The following ENTREP2 variants were observed in gnomAD, a reference collection of about 807,000 sequenced individuals.
ENTREP2 encodes endosomal transmembrane epsin interactor 2.
the ENTREP2 span, among the ~76,000 whole-genome samples, chr15:29,462,463 A>G: frequency 1.3e-5 from 2 of 152,072 alleles, no homozygotes; most frequent in African/African-American, 2.4e-5. Context: ...ACAAAAAATT[A>G]GCCAGGTGTG....
At chr15:29,157,422 C>A in the ENTREP2 span, among the ~76,000 whole-genome samples, 1 of 152,198 alleles carries the variant, frequency 6.6e-6, no homozygotes, top group Admixed American at 6.5e-5. Flanking sequence ...TTACCATTCT[C>A]ACCTCAAAGA....
At chr15:29,630,692 T>C in the ENTREP2 span, among the ~76,000 whole-genome samples, 2 of 152,162 alleles carry the variant, frequency 1.3e-5, no homozygotes, top group African/African-American at 4.8e-5. Flanking sequence ...TATTTATTTA[T>C]TTACTTAGTT....
the ENTREP2 span, among the ~76,000 whole-genome samples, chr15:29,255,730 G>A: frequency 3.2e-4 from 48 of 151,996 alleles, no homozygotes; most frequent in Non-Finnish European, 5.3e-4. Context: ...GGCCAGGCGC[G>A]GTGGCTCATG....
chr15:29,501,238 A>G, the ENTREP2 span, among the ~76,000 whole-genome samples: 47 of 151,422 alleles, frequency 3.1e-4, 1 homozygote, highest in Middle Eastern at 3.4e-3. Flanking sequence ...AAAACTACAG[A>G]TCAATAACCG....
chr15:29,259,926 A>G, the ENTREP2 span, among the ~76,000 whole-genome samples: 1 of 152,188 alleles, frequency 6.6e-6, no homozygotes, highest in Non-Finnish European at 1.5e-5. Context: ...GCTCTTTTCC[A>G]TAGTGTAACA....
chr15:29,670,956 T>A, the ENTREP2 span, among the ~76,000 whole-genome samples: 2 of 152,280 alleles, frequency 1.3e-5, 1 homozygote. Context: ...AGCTTCAGGA[T>A]GAGGGCTGGT....
the ENTREP2 span, among the ~76,000 whole-genome samples, chr15:29,309,543 G>T: frequency 1.3e-5 from 2 of 152,046 alleles, no homozygotes; most frequent in African/African-American, 4.8e-5. Context: ...ACTTTGGGAG[G>T]ACAAGGCAGG....
the ENTREP2 span, among the ~76,000 whole-genome samples, chr15:29,419,131 C>T: frequency 4.6e-5 from 7 of 152,194 alleles, no homozygotes; most frequent in South Asian, 2.1e-4. Context: ...TGAGTCAGCA[C>T]AGTCCTTGCT....
the ENTREP2 span, among the ~76,000 whole-genome samples, chr15:29,186,334 G>C: frequency 6.6e-6 from 1 of 152,202 alleles, no homozygotes; most frequent in Non-Finnish European, 1.5e-5. Context: ...GAAGGAGGGA[G>C]TCTGTATGGC....
chr15:29,509,822 C>A, the ENTREP2 span, among the ~76,000 whole-genome samples: 1 of 152,146 alleles, frequency 6.6e-6, no homozygotes. Flanking sequence ...CTAGGCAATA[C>A]CATTCAGAAC....
the ENTREP2 span, among the ~76,000 whole-genome samples, chr15:29,650,436 T>C: frequency 6.6e-6 from 1 of 151,800 alleles, no homozygotes. Context: ...CTACTAAAAA[T>C]ACAAAAATTA....
At chr15:29,570,715 C>T in the ENTREP2 span, 1 of 1,050,540 alleles carries the variant, frequency 9.5e-7, no homozygotes, top group Non-Finnish European at 1.1e-6. Context: ...GGCCGCCGGC[C>T]GGAGGCATCG....
the ENTREP2 span, among the ~76,000 whole-genome samples, chr15:29,207,402 A>G: frequency 4.7e-5 from 7 of 149,922 alleles, no homozygotes; most frequent in Non-Finnish European, 8.9e-5. Context: ...ACGAAGAGCA[A>G]GAGAACAGAT....
At chr15:29,550,498 G>A in the ENTREP2 span, among the ~76,000 whole-genome samples, 3 of 152,180 alleles carry the variant, frequency 2.0e-5, no homozygotes, top group Admixed American at 6.5e-5. Context: ...TGATCTTGAT[G>A]TTCTGAAGTC....
the ENTREP2 span, among the ~76,000 whole-genome samples, chr15:29,175,019 C>T: frequency 6.6e-6 from 1 of 152,170 alleles, no homozygotes; most frequent in African/African-American, 2.4e-5. Flanking sequence ...GTAGTTCAGA[C>T]AGTAATCAGT....
At chr15:29,295,912 G>C in the ENTREP2 span, among the ~76,000 whole-genome samples, 4 of 152,182 alleles carry the variant, frequency 2.6e-5, no homozygotes, top group Non-Finnish European at 5.9e-5. Flanking sequence ...AAAGGTAACA[G>C]AAACTGTGGA....
the ENTREP2 span, among the ~76,000 whole-genome samples, chr15:29,377,823 A>AATAATAATAATAAT: frequency 1.8e-5 from 2 of 113,018 alleles, no homozygotes; most frequent in African/African-American, 3.9e-5. Context: ...TCTGTCTCAA[A>AATAATAATAATAAT]AATAATAATA....
the ENTREP2 span, among the ~76,000 whole-genome samples, chr15:29,668,125 G>C: frequency 6.6e-6 from 1 of 152,158 alleles, no homozygotes; most frequent in African/African-American, 2.4e-5. Context: ...CCAATCAATC[G>C]TGGAAGAAAA....
chr15:29,655,416 C>T, the ENTREP2 span, among the ~76,000 whole-genome samples: 4 of 152,188 alleles, frequency 2.6e-5, no homozygotes, highest in Non-Finnish European at 5.9e-5. Context: ...AGGATGTGCT[C>T]CCATCTCTAT....
Sources: allele counts gnomAD v4.1 joint callset (sites outside exome capture counted in the v4.1 genomes callset), GRCh38; gene constraint gnomAD v4.1.1; transcripts MANE v1.5; gene names NCBI Gene and HGNC (gene_info 2026-07-23, HGNC 2026-07-21).